ZC3H12B: variants seen among roughly 807,000 people sequenced by gnomAD.
The protein encoded by ZC3H12B is zinc finger CCCH-type containing 12B.
A neutral mutation model predicts 43.9 loss-of-function variants in ZC3H12B; 7 were observed. That is an observed-to-expected ratio of 0.16 (90% CI 0.09 to 0.30). The LOEUF (loss-of-function observed/expected upper bound fraction) is 0.30. ZC3H12B is among the 10% of genes least tolerant of loss of function. ZC3H12B has a pLI of 1.00. For synonymous variants in ZC3H12B, 222 were observed against 241.7 expected (o/e 0.92, Z 0.76); for missense variants, 475 against 670.2 (o/e 0.71, Z 3.22).
intron 1 of ZC3H12B, among the ~76,000 whole-genome samples, chrX:65,367,519 A>G (rs145933839): frequency 0.011 from 1,200 of 111,765 alleles, 52 homozygotes; most frequent in Admixed American, 0.1. Context: ...ACTGTGGAAT[A>G]TACTTTCTAA....
At chrX:65,366,347 CAGAT>C (rs1172227377), upstream of ZC3H12B, among the ~76,000 whole-genome samples, 1 of 111,660 alleles carries the variant, frequency 9.0e-6, no homozygotes, top group African/African-American at 3.3e-5. Flanking sequence ...TCTGTCCTGA[CAGAT>C]AGTCCTTTAA....
chrX:65,377,588 C>G (rs2066364077), intron 2 of ZC3H12B, among the ~76,000 whole-genome samples: 1 of 110,621 alleles, frequency 9.0e-6, no homozygotes, highest in African/African-American at 3.3e-5. Context: ...TCAGTGGACA[C>G]CTTGCAAGCA....
intron 1 of ZC3H12B, among the ~76,000 whole-genome samples, chrX:65,367,740 T>C (rs1006915545): frequency 9.0e-6 from 1 of 111,639 alleles, no homozygotes; most frequent in African/African-American, 3.3e-5. Context: ...TATCTATTTA[T>C]TTTCTTGACA....
At chrX:65,249,796 ATTTTT>A in the ZC3H12B span, among the ~76,000 whole-genome samples, 2 of 48,940 alleles carry the variant, frequency 4.1e-5, no homozygotes, top group African/African-American at 8.2e-5. Flanking sequence ...ATTCCTAAGT[ATTTTT>A]TTTTTTTTTT....
At chrX:65,474,834 T>G (rs2067971603) in intron 3 of ZC3H12B, among the ~76,000 whole-genome samples, 1 of 112,283 alleles carries the variant, frequency 8.9e-6, no homozygotes, top group East Asian at 2.8e-4. Flanking sequence ...CTCGAACTTC[T>G]GACCTCAGGT....
intron 3 of ZC3H12B, among the ~76,000 whole-genome samples, chrX:65,432,876 A>G (rs2067179941): frequency 8.9e-6 from 1 of 112,019 alleles, no homozygotes; most frequent in South Asian, 3.7e-4. Flanking sequence ...ATGTCCAATC[A>G]GTATAAGGTC....
intron 2 of ZC3H12B, among the ~76,000 whole-genome samples, chrX:65,374,416 A>G (rs1329606730): frequency 1.9e-5 from 2 of 104,543 alleles, no homozygotes; most frequent in African/African-American, 7.0e-5. Context: ...TACCTCCTGA[A>G]TCCAAAATAA....
chrX:65,452,506 A>C (rs767126814), intron 3 of ZC3H12B, among the ~76,000 whole-genome samples: 3 of 111,475 alleles, frequency 2.7e-5, no homozygotes, highest in South Asian at 3.8e-4. Context: ...GGAAAACTAC[A>C]AAACACTGCT....
chrX:65,458,887 C>T (rs1367096269), intron 3 of ZC3H12B, among the ~76,000 whole-genome samples: 2 of 111,031 alleles, frequency 1.8e-5, no homozygotes, highest in African/African-American at 6.6e-5. Flanking sequence ...AATAGAGACA[C>T]AAAAAACCCT....
At chrX:65,053,661 T>A in the ZC3H12B span, among the ~76,000 whole-genome samples, 3 of 111,569 alleles carry the variant, frequency 2.7e-5, no homozygotes, top group South Asian at 3.8e-4. Context: ...TTTCTAGTTC[T>A]AGATCCCTGA....
the ZC3H12B span, among the ~76,000 whole-genome samples, chrX:65,071,661 C>T: frequency 8.9e-6 from 1 of 111,803 alleles, no homozygotes; most frequent in African/African-American, 3.2e-5. Context: ...AACGAATTCC[C>T]TAAGCATTTG....
the ZC3H12B span, among the ~76,000 whole-genome samples, chrX:65,361,393 G>C: frequency 9.0e-6 from 1 of 111,503 alleles, no homozygotes; most frequent in African/African-American, 3.3e-5. Flanking sequence ...AAGATTTTGG[G>C]CACTCAAATA....
At chrX:65,173,974 G>A in the ZC3H12B span, among the ~76,000 whole-genome samples, 1 of 111,639 alleles carries the variant, frequency 9.0e-6, no homozygotes, top group African/African-American at 3.3e-5. Flanking sequence ...CTGTTTGTTA[G>A]TTTTTCTTCT....
the ZC3H12B span, among the ~76,000 whole-genome samples, chrX:65,351,212 G>A: frequency 9.0e-6 from 1 of 111,705 alleles, no homozygotes; most frequent in Admixed American, 9.5e-5. Flanking sequence ...ACAAAAACAA[G>A]CAATAGGGAA....
the ZC3H12B span, among the ~76,000 whole-genome samples, chrX:65,213,251 C>G: frequency 2.7e-5 from 3 of 110,227 alleles, no homozygotes; most frequent in East Asian, 5.7e-4. Flanking sequence ...TTGGCTTGCT[C>G]CCTAATATTT....
the ZC3H12B span, among the ~76,000 whole-genome samples, chrX:65,150,098 G>A: frequency 9.1e-6 from 1 of 110,350 alleles, no homozygotes; most frequent in Non-Finnish European, 1.9e-5. Flanking sequence ...CTAATTAGTT[G>A]AGAAGTCCTT....
the ZC3H12B span, among the ~76,000 whole-genome samples, chrX:65,259,089 C>T: frequency 1.8e-5 from 2 of 111,908 alleles, no homozygotes; most frequent in Admixed American, 1.9e-4. Flanking sequence ...GGAACTAAAA[C>T]GAAGCTTGAT....
intron 2 of ZC3H12B, among the ~76,000 whole-genome samples, chrX:65,389,031 G>C (rs1270174493): frequency 8.9e-6 from 1 of 111,969 alleles, no homozygotes; most frequent in African/African-American, 3.2e-5. Flanking sequence ...GCTGGGTGAG[G>C]TGTCAGTCTT....
the ZC3H12B span, among the ~76,000 whole-genome samples, chrX:65,068,635 TTAATA>T: frequency 8.9e-6 from 1 of 112,035 alleles, no homozygotes; most frequent in African/African-American, 3.2e-5. Flanking sequence ...TTCTTTCTAC[TTAATA>T]TAAGAGTAGT....
Sources: allele counts gnomAD v4.1 joint callset (sites outside exome capture counted in the v4.1 genomes callset), GRCh38; gene constraint gnomAD v4.1.1; transcripts MANE v1.5; gene names NCBI Gene and HGNC (gene_info 2026-07-23, HGNC 2026-07-21).